The following RAB11FIP4 variants were observed in gnomAD, a reference collection of about 807,000 sequenced individuals.
RAB11FIP4 encodes rab11 family-interacting protein 4.
Under a neutral mutation model 74.3 loss-of-function variants are expected in RAB11FIP4, and 23 were observed. That is an observed-to-expected ratio of 0.31 (90% confidence interval 0.22 to 0.44). The LOEUF (loss-of-function observed/expected upper bound fraction) is 0.44. Ranked by LOEUF, RAB11FIP4 falls within the 20% of genes least tolerant of loss-of-function variation. The pLI is 1.00. For missense variants in RAB11FIP4, 630 were observed against 863.9 expected (o/e 0.73, Z 3.39); for synonymous variants, 360 against 359.9 (o/e 1.00, Z 0.00).
chr17:31,399,008 G>A (rs560312254), intron 1 of RAB11FIP4, among the ~76,000 whole-genome samples: 66 of 152,320 alleles, frequency 4.3e-4, no homozygotes, highest in Non-Finnish European at 5.6e-4. Flanking sequence ...ATGGTGCCCC[G>A]GCCTGGGCAA....
chr17:31,501,325 TA>T (rs373057437), intron 3 of RAB11FIP4, among the ~76,000 whole-genome samples: 30,664 of 141,556 alleles, frequency 0.22, 3,196 homozygotes, highest in South Asian at 0.3. Context: ...TATCATAAGT[TA>T]AAAAAAAAAA....
chr17:31,399,511 G>A (rs553170701), intron 1 of RAB11FIP4, among the ~76,000 whole-genome samples: 23 of 151,540 alleles, frequency 1.5e-4, no homozygotes, highest in South Asian at 2.1e-4. Flanking sequence ...TCAGGAGTTC[G>A]AGACCAGCCT....
At chr17:31,435,561 C>T (rs2071349435) in intron 3 of RAB11FIP4, among the ~76,000 whole-genome samples, 1 of 152,148 alleles carries the variant, frequency 6.6e-6, no homozygotes, top group South Asian at 2.1e-4. Context: ...AACCCCCAAA[C>T]CTTTTCCCCA....
At chr17:31,493,738 C>T (rs73988072) in intron 3 of RAB11FIP4, among the ~76,000 whole-genome samples, 3 of 151,850 alleles carry the variant, frequency 2.0e-5, no homozygotes, top group Non-Finnish European at 2.9e-5. Context: ...TTTGGACAGG[C>T]GACCTCACCC....
chr17:31,424,117 T>A (rs746213667), intron 1 of RAB11FIP4, among the ~76,000 whole-genome samples: 7 of 152,188 alleles, frequency 4.6e-5, no homozygotes, highest in Non-Finnish European at 1.0e-4. Flanking sequence ...GTTCTGGGAT[T>A]TGGGCTCCTG....
At chr17:31,474,992 G>A (rs1433521980) in intron 3 of RAB11FIP4, among the ~76,000 whole-genome samples, 1 of 152,174 alleles carries the variant, frequency 6.6e-6, no homozygotes, top group Non-Finnish European at 1.5e-5. Flanking sequence ...TGTTCAGGGA[G>A]GAACTTGAAG....
rs139216575 is a variant in RAB11FIP4, at chr17:31,522,025, G to A, written c.869G>A (p.Arg290Gln). 19 of 1,613,976 alleles carry A rather than the reference G, an allele frequency of 1.2e-5. No individual in the cohort carries two copies. In the African/African-American group the frequency reaches 1.5e-4, roughly 12 times the overall value. ...AACCTGCTCAATGACTTGGAAGCCC[G>A]ACTGAAAAACCTGAAGGCCAACAGG... The part of the protein sequence containing the change: ...KINLLNDLEA[R>Q]LKNLKANSPN... Residue 290 changes from arginine to glutamine, a missense_variant, in exon 6 of 15, where the codon CGA becomes CAA. Physicochemically the swap from Arg to Gln is conservative, Grantham distance 43. Coordinates refer to ENST00000621161, the MANE Select transcript of RAB11FIP4 (RefSeq NM_032932.6).
chr17:31,477,007 C>T (rs1299209002), intron 3 of RAB11FIP4, among the ~76,000 whole-genome samples: 4 of 152,232 alleles, frequency 2.6e-5, no homozygotes, highest in Admixed American at 1.3e-4. Context: ...CCCAGGGAGC[C>T]GCCCTCTCCC....
intron 3 of RAB11FIP4, among the ~76,000 whole-genome samples, chr17:31,489,483 C>A (rs1367922301): frequency 6.6e-6 from 1 of 152,140 alleles, no homozygotes. Flanking sequence ...TGAGTCGCTG[C>A]CTTTGACTGG....
intron 3 of RAB11FIP4, among the ~76,000 whole-genome samples, chr17:31,475,016 CA>C (rs2071777799): frequency 6.6e-6 from 1 of 152,012 alleles, no homozygotes; most frequent in African/African-American, 2.4e-5. Context: ...CGTTTAAAGC[CA>C]GGGGCATAAT....
rs181838226 is a variant in RAB11FIP4, at chr17:31,444,987, C to T, written c.336+10865C>T. On this transcript the variant is annotated intron_variant, in intron 3 of 14. Coordinates refer to ENST00000621161, the MANE Select transcript of RAB11FIP4 (RefSeq NM_032932.6). ...CAATCACATGAGGGCAGATGTTCTCCGAGAAAGCACGGTCGAAACCAGTGG... is the reference window on the plus strand; with the variant it reads ...CAATCACATGAGGGCAGATGTTCTCTGAGAAAGCACGGTCGAAACCAGTGG... Among the ~76,000 whole-genome samples, 108 of 152,206 alleles carry T rather than the reference C, an allele frequency of 7.1e-4. 4 individuals are homozygous for T. In the East Asian group the frequency reaches 0.013, roughly 19 times the overall value.
At chr17:31,501,346 A>G (rs909850728) in intron 3 of RAB11FIP4, among the ~76,000 whole-genome samples, 1 of 152,096 alleles carries the variant, frequency 6.6e-6, no homozygotes, top group African/African-American at 2.4e-5. Context: ...AAAGAAAAAA[A>G]TGCGTTTAAT....
In RAB11FIP4 at chr17:31,483,537, T is replaced by C. The variant is rs907177918; in HGVS notation, c.337-34114T>C. On this transcript the variant is annotated intron_variant, in intron 3 of 14. Coordinates refer to ENST00000621161, the MANE Select transcript of RAB11FIP4 (RefSeq NM_032932.6). ...ATGAAGTTTCATACAGAAGACAGCA[T>C]GTACAGCAGACAGAAGTGGAGCTAT... is the stretch of plus-strand genomic sequence containing the variant. 5.3e-5 allele frequency among the ~76,000 whole-genome samples: 8 copies of C among 152,246 alleles called. No individual in the cohort carries two copies. In the East Asian group the frequency reaches 5.8e-4, roughly 11 times the overall value.
chr17:31,459,073 T>C (rs2071608594), intron 3 of RAB11FIP4, among the ~76,000 whole-genome samples: 1 of 152,144 alleles, frequency 6.6e-6, no homozygotes, highest in African/African-American at 2.4e-5. Context: ...CTCTCACTCA[T>C]CATGTCTGAC....
intron 10 of RAB11FIP4, chr17:31,526,019 GCAGGTAC>G (rs1380507853): frequency 3.1e-4 from 47 of 152,314 alleles, no homozygotes; most frequent in African/African-American, 1.1e-3. Flanking sequence ...GGGCTCTCAG[GCAGGTAC>G]CTCCCTGCCC....
Position 31,536,284 on chromosome 17 carries a change from C to G in RAB11FIP4, c.*4552C>G, listed in dbSNP as rs1293171624. On this transcript the variant is annotated 3_prime_UTR_variant, in exon 15 of 15. Coordinates refer to ENST00000621161, the MANE Select transcript of RAB11FIP4 (RefSeq NM_032932.6). ...CCAAGGCAGGTGGATTGCCTGAGCT[C>G]AGGAGTTCGAGACCAGCCTGGACAA... The G allele has an allele frequency of 6.6e-6, 1 of 152,164 alleles. No homozygotes were observed. The highest frequency in any genetic ancestry group is 1.5e-5 in the Non-Finnish European group (1 of 68,042). The allele number at this position is 152,164 out of a possible 1,614,324, so 9.4% of individuals were successfully genotyped here.
At chr17:31,477,166 A>C (rs2071801745) in intron 3 of RAB11FIP4, among the ~76,000 whole-genome samples, 1 of 152,204 alleles carries the variant, frequency 6.6e-6, no homozygotes, top group South Asian at 2.1e-4. Context: ...CTGCTTTCAG[A>C]GTGGAGTTAC....
intron 1 of RAB11FIP4, among the ~76,000 whole-genome samples, chr17:31,392,998 C>T (rs967184404): frequency 3.3e-5 from 5 of 152,102 alleles, no homozygotes; most frequent in African/African-American, 1.2e-4. Context: ...CAGGTCGGAC[C>T]AGGCATTTCA....
At chr17:31,433,351 G>A (rs1226973841) in intron 2 of RAB11FIP4, among the ~76,000 whole-genome samples, 1 of 152,178 alleles carries the variant, frequency 6.6e-6, no homozygotes, top group African/African-American at 2.4e-5. Context: ...TGGGAGGGTG[G>A]AACGATGCAG....
Sources: gnomAD v4.1 joint callset for allele counts (sites outside exome capture counted in the v4.1 genomes callset) on GRCh38, gnomAD v4.1.1 for gene constraint, MANE v1.5 for transcripts, NCBI Gene and HGNC (gene_info 2026-07-23, HGNC 2026-07-21) for gene names.